The following LARP4B variants were observed in gnomAD, a reference collection of about 807,000 sequenced individuals.
LARP4B encodes the protein la-related protein 4B.
In LARP4B, 12 loss-of-function variants were observed where a neutral mutation model predicts 89.8. The ratio of observed to expected loss-of-function variants is 0.13; its 90% confidence interval spans 0.09 to 0.22. The LOEUF is 0.22. Among genes scored for constraint, LARP4B ranks in the 10% least tolerant of loss-of-function variants. LARP4B has a pLI of 1.00. For missense variants in LARP4B, 757 were observed against 947.7 expected, an observed-to-expected ratio of 0.80 and a Z score of 2.64; for synonymous variants, 367 against 363.3, an observed-to-expected ratio of 1.01 and a Z score of -0.12.
At chr10:840,709 C>A (rs980976135) in intron 7 of LARP4B, among the ~76,000 whole-genome samples, 9 of 152,202 alleles carry the variant, frequency 5.9e-5, no homozygotes, top group African/African-American at 1.9e-4. Flanking sequence ...GGAAATGTAA[C>A]TTATGCAACT....
intron 8 of LARP4B, among the ~76,000 whole-genome samples, chr10:833,887 CA>C (rs34834355): frequency 0.25 from 18,610 of 74,996 alleles, 1,150 homozygotes; most frequent in Non-Finnish European, 0.3. Context: ...GATGCCACCT[CA>C]AAAAAAAAAA....
chr10:868,377 T>C lies in LARP4B; in HGVS notation c.142-4107A>G, dbSNP rs1209570998. On this transcript the variant is annotated intron_variant, in intron 3 of 17. Transcript: ENST00000316157. ...TAATAGCTGCTATATTAAGATTTGC[T>C]TAAAAAAAAAAAAAAAAAAAGACAC... Among the ~76,000 whole-genome samples the C allele has an allele frequency of 1.2e-4, 15 of 120,172 alleles. No individual in the cohort carries two copies. The Admixed American group carries it at 1.3e-3, about 10-fold the overall frequency. 78.8% of individuals were successfully genotyped at this position (120,172 alleles called of 152,430 possible).
the LARP4B span, chr10:971,840 G>A: frequency 1.3e-5 from 2 of 153,364 alleles, no homozygotes; most frequent in African/African-American, 4.8e-5. Flanking sequence ...TTCTGAGCGC[G>A]GAGTCTGCTA....
At chr10:904,067 T>A (rs1836419038) in intron 1 of LARP4B, among the ~76,000 whole-genome samples, 1 of 152,162 alleles carries the variant, frequency 6.6e-6, no homozygotes, top group South Asian at 2.1e-4. Context: ...TCTAAAACTT[T>A]TTGAGCACCA....
chr10:869,624 T>C (rs1835092207), intron 3 of LARP4B, among the ~76,000 whole-genome samples: 1 of 152,170 alleles, frequency 6.6e-6, no homozygotes, highest in South Asian at 2.1e-4. Flanking sequence ...CGGTGGCTCA[T>C]GCCTGCAATG....
rs771715315 is a variant in LARP4B at position 812,942 on chromosome 10, G to T, written c.2201C>A (p.Pro734His). The T allele has an allele frequency of 1.3e-6, 2 of 1,548,014 alleles. No individual in the cohort carries two copies. Among genetic ancestry groups the T allele is most frequent in the Non-Finnish European group, 1.7e-6 (2 of 1,156,082 alleles). The stretch of plus-strand genomic sequence containing the variant: ...GTACGGTTTTCACTGAGGAGACTTG[G>T]GGGGAGTGCTCTGCTCTCGGCTGAG... ...KRLSREQSTP[P>H]KSPQ Residue 734 changes from proline (P) to histidine (H), a missense_variant, in exon 18 of 18, where the codon CCC (proline) becomes CAC (histidine). Physicochemically the swap from Pro to His is moderately conservative, Grantham distance 77 (BLOSUM62 -2). This residue lies in a region of LARP4B where 387 missense variants were observed against 423.6 expected (regional missense o/e 0.91). Transcript: ENST00000316157.
intron 1 of LARP4B, among the ~76,000 whole-genome samples, chr10:915,710 A>C (rs973008162): frequency 4.0e-5 from 6 of 149,436 alleles, no homozygotes; most frequent in African/African-American, 1.5e-4. Flanking sequence ...AGGCTGAGGC[A>C]AGAGAATAGC....
chr10:962,875 G>A, the LARP4B span, among the ~76,000 whole-genome samples: 10 of 152,024 alleles, frequency 6.6e-5, no homozygotes, highest in African/African-American at 2.2e-4. Flanking sequence ...GAAGACCACC[G>A]GAACTCACTC....
chr10:904,240 G>A (rs189003344), intron 1 of LARP4B, among the ~76,000 whole-genome samples: 76 of 152,192 alleles, frequency 5.0e-4, no homozygotes, highest in African/African-American at 1.8e-3. Context: ...GCAGCATAGC[G>A]ACACTCTGTC....
At chr10:877,390 A>AAATGAAACAAAACC (rs56121930) in intron 3 of LARP4B, among the ~76,000 whole-genome samples, 1 of 151,948 alleles carries the variant, frequency 6.6e-6, no homozygotes, top group Non-Finnish European at 1.5e-5. Flanking sequence ...CTAAAAAAAC[A>AAATGAAACAAAACC]AACAATTCTG....
the LARP4B span, among the ~76,000 whole-genome samples, chr10:981,882 G>A: frequency 6.6e-6 from 1 of 152,066 alleles, no homozygotes; most frequent in Non-Finnish European, 1.5e-5. Context: ...TGTTTTCAAT[G>A]AGACTGTTCT....
At chr10:894,322 T>C (rs1317994552) in intron 1 of LARP4B, among the ~76,000 whole-genome samples, 1 of 152,346 alleles carries the variant, frequency 6.6e-6, no homozygotes, top group African/African-American at 2.4e-5. Flanking sequence ...GGGAAATACA[T>C]GTTAAATCAC....
At position 819,105 on chromosome 10, in the gene LARP4B, T is replaced by C. The variant is rs139100863; in HGVS notation, c.1531-1216A>G. 369 of 152,358 alleles carry C rather than the reference T, an allele frequency of 2.4e-3. 2 individuals are homozygous for C. The highest frequency in any genetic ancestry group is 8.6e-3 in the African/African-American group (356 of 41,574). The allele number at this position is 152,358 out of a possible 1,614,324, so 9.4% of individuals were successfully genotyped here. On this transcript the variant is annotated intron_variant, in intron 14 of 17. Transcript: ENST00000316157. ...TTGTATGCTCTCTGTAACCTAGTAT[T>C]GTGAATATGATGCTCAAAATGATCC...
chr10:847,609 C>T (rs1426902854), intron 5 of LARP4B, among the ~76,000 whole-genome samples: 3 of 152,070 alleles, frequency 2.0e-5, no homozygotes, highest in Admixed American at 6.5e-5. Context: ...TCACTGCAAC[C>T]TCCACCTCCC....
intron 1 of LARP4B, among the ~76,000 whole-genome samples, chr10:913,123 A>G (rs1836718281): frequency 6.6e-6 from 1 of 152,166 alleles, no homozygotes. Flanking sequence ...TTTGGGATGT[A>G]AGTTTTCACC....
chr10:960,707 CAAAAAAAAAAAA>C, the LARP4B span, among the ~76,000 whole-genome samples: 2 of 65,884 alleles, frequency 3.0e-5, no homozygotes, highest in Non-Finnish European at 5.2e-5. Context: ...GACTCTGTCT[CAAAAAAAAAAAA>C]AAAAAAAAAA....
chr10:810,820 A>G lies in LARP4B; in HGVS notation c.*2106T>C, dbSNP rs1358028212. On this transcript the variant is annotated 3_prime_UTR_variant, in exon 18 of 18. Coordinates refer to ENST00000316157, the MANE Select transcript of LARP4B (RefSeq NM_015155.3). ...TTTTTTGGTCAGTGAACTGACAACTACAAAAAAAAATCCCCATGTTCTTTA... is the reference window on the plus strand; with the variant it reads ...TTTTTTGGTCAGTGAACTGACAACTGCAAAAAAAAATCCCCATGTTCTTTA... 6.9e-6 allele frequency: 1 copy of G among 145,956 alleles called. No homozygotes were observed. Among genetic ancestry groups the G allele is most frequent in the Admixed American group, 6.8e-5 (1 of 14,670 alleles). The allele number at this position is 145,956 out of a possible 1,614,324, so 9.0% of individuals were successfully genotyped here. A position where few individuals can be genotyped will look rare whatever the true frequency, so the allele number is the denominator to read the frequency against.
At chr10:865,491 C>T (rs745972301) in intron 3 of LARP4B, among the ~76,000 whole-genome samples, 1 of 152,184 alleles carries the variant, frequency 6.6e-6, no homozygotes, top group Non-Finnish European at 1.5e-5. Context: ...TGGCCTTGTC[C>T]ATTTCCAGGC....
chr10:927,082 A>G (rs1350089801), intron 1 of LARP4B, among the ~76,000 whole-genome samples: 1 of 152,208 alleles, frequency 6.6e-6, no homozygotes, highest in Non-Finnish European at 1.5e-5. Flanking sequence ...AATACTTTCA[A>G]TATTGCAATG....
Sources: allele counts gnomAD v4.1 joint callset (sites outside exome capture counted in the v4.1 genomes callset), GRCh38; gene constraint gnomAD v4.1.1; regional missense constraint gnomAD v4.1.1; transcripts MANE v1.5; gene names NCBI Gene and HGNC (gene_info 2026-07-23, HGNC 2026-07-21).